The following AOX1 variants were observed in gnomAD, a reference collection of about 807,000 sequenced individuals.
AOX1 encodes the protein aldehyde oxidase.
A neutral mutation model predicts 169.5 loss-of-function variants in AOX1; 153 were observed. The ratio of observed to expected loss-of-function variants is 0.90; its 90% confidence interval spans 0.79 to 1.03. The LOEUF (loss-of-function observed/expected upper bound fraction) is 1.03. Ranked by LOEUF, AOX1 falls within the 50% of genes least tolerant of loss-of-function variation. The pLI, the probability that AOX1 is intolerant of heterozygous loss-of-function variation, is 0.00. For missense variants in AOX1, 1,656 were observed against 1,663.9 expected (o/e 1.00, Z 0.08); for synonymous variants, 562 against 581.9 (o/e 0.97, Z 0.49).
At chr2:200,632,049 G>C (rs1240533416) in intron 20 of AOX1, among the ~76,000 whole-genome samples, 1 of 151,912 alleles carries the variant, frequency 6.6e-6, no homozygotes, top group Non-Finnish European at 1.5e-5. Context: ...TGCAAATTGA[G>C]GGAATCCTCA....
intron 25 of AOX1, among the ~76,000 whole-genome samples, chr2:200,648,717 G>A (rs188334303): frequency 2.7e-4 from 41 of 152,270 alleles, no homozygotes; most frequent in Non-Finnish European, 4.3e-4. Context: ...GTGGGGGCAG[G>A]GCTAGGCATG....
Position 200,621,118 on chromosome 2 carries a change from AG to A in AOX1, c.1875del. On this transcript the variant is annotated splice_acceptor_variant, in intron 17 of 34. Transcript: ENST00000374700. LOFTEE classifies it high-confidence loss of function. The stretch of plus-strand genomic sequence containing the variant: ...AGGAGCTCTGCTGTGTATATCATCT[AG>A]GTCTATTGATCTGTCAGAAGCTCTC... 6.2e-7 allele frequency: 1 copy of A among 1,612,082 alleles called. No homozygotes were observed. The highest frequency in any genetic ancestry group is 8.5e-7 in the Non-Finnish European group (1 of 1,179,566).
chr2:200,589,061 A>G (rs922956688), intron 1 of AOX1, among the ~76,000 whole-genome samples: 2 of 152,142 alleles, frequency 1.3e-5, no homozygotes, highest in African/African-American at 4.8e-5. Context: ...TCTGGAATTA[A>G]AAACTCACCT....
chr2:200,661,491 A>T, intron 29 of AOX1, 88 bp from the exon 30 acceptor site: 1 of 1,040,954 alleles, frequency 9.6e-7, no homozygotes, highest in Non-Finnish European at 1.5e-6. Flanking sequence ...AGTTTTATTT[A>T]ACACACAGGG....
At chr2:200,630,210 TAAAAAAAAAAAAAAA>T (rs57410809) in intron 20 of AOX1, among the ~76,000 whole-genome samples, 6 of 95,566 alleles carry the variant, frequency 6.3e-5, no homozygotes, top group Admixed American at 1.1e-4. Context: ...TCCTTCTATT[TAAAAAAAAAAAAAAA>T]AAAAAAAAAA....
chr2:200,630,183 G>T (rs1401494833), intron 20 of AOX1, among the ~76,000 whole-genome samples: 13 of 137,430 alleles, frequency 9.5e-5, no homozygotes, highest in African/African-American at 3.1e-4. Context: ...AGACCAGCCC[G>T]GTCAATGTAG....
At chr2:200,628,451 A>C (rs2035049780) in intron 20 of AOX1, among the ~76,000 whole-genome samples, 1 of 152,038 alleles carries the variant, frequency 6.6e-6, no homozygotes, top group African/African-American at 2.4e-5. Flanking sequence ...TCCCCGCCAC[A>C]CTCTGCTGTC....
intron 26 of AOX1, among the ~76,000 whole-genome samples, chr2:200,655,962 T>G (rs1008773176): frequency 2.0e-5 from 3 of 152,242 alleles, no homozygotes; most frequent in Non-Finnish European, 4.4e-5. Context: ...TAAGTTGACA[T>G]TGGCTTATTA....
Position 200,638,280 on chromosome 2 carries a change from A to G in AOX1, c.2546A>G (p.His849Arg). ...GEDMLITGGRHPYLGKYKAGF... is the reference protein window; with the variant it reads ...GEDMLITGGRRPYLGKYKAGF... ...GACATGTTAATAACTGGAGGCCGCCATCCTTACCTTGGAAAGTACAAAGTG... is the reference window on the plus strand; with the variant it reads ...GACATGTTAATAACTGGAGGCCGCCGTCCTTACCTTGGAAAGTACAAAGTG... Residue 849 changes from histidine to arginine, a missense_variant, in exon 23 of 35, where the codon CAT (histidine) becomes CGT (arginine). Coordinates refer to ENST00000374700, the MANE Select transcript of AOX1 (RefSeq NM_001159.4). 1 of 1,613,768 alleles carries G rather than the reference A, an allele frequency of 6.2e-7. No homozygotes were observed. Among genetic ancestry groups the G allele is most frequent in the Non-Finnish European group, 8.5e-7 (1 of 1,179,704 alleles).
downstream of AOX1, among the ~76,000 whole-genome samples, chr2:200,680,777 C>T (rs2036145894): frequency 6.6e-6 from 1 of 151,900 alleles, no homozygotes; most frequent in South Asian, 2.1e-4. Context: ...AACTCCTGAC[C>T]TCAGGTGATC....
At chr2:200,631,415 C>T (rs553933474) in intron 20 of AOX1, among the ~76,000 whole-genome samples, 1 of 152,280 alleles carries the variant, frequency 6.6e-6, no homozygotes, top group African/African-American at 2.4e-5. Context: ...CCCAGGGAGC[C>T]CTGAAACTGA....
At position 200,634,556 on chromosome 2, in the gene AOX1, A is replaced by C. The variant is rs544792958; in HGVS notation, c.2222-235A>C. ...TCTGCTTTTGGCTCTAGAAAGTCAT[A>C]CACCTTTCTCTAGGACTCTGTGACC... On this transcript the variant is annotated intron_variant, in intron 20 of 34. Coordinates refer to ENST00000374700, the MANE Select transcript of AOX1 (RefSeq NM_001159.4). 1.1e-4 allele frequency among the ~76,000 whole-genome samples: 16 copies of C among 152,286 alleles called. No individual in the cohort carries two copies. The South Asian group carries it at 3.3e-3, about 32-fold the overall frequency.
intron 2 of AOX1, among the ~76,000 whole-genome samples, chr2:200,594,398 A>G (rs1044702711): frequency 2.0e-5 from 3 of 152,174 alleles, no homozygotes; most frequent in Non-Finnish European, 2.9e-5. Flanking sequence ...TCTGTGAGGC[A>G]TGTTTGCATG....
chr2:200,668,876 C>G (rs2035974481), intron 33 of AOX1, 73 bp downstream of exon 33: 2 of 1,301,186 alleles, frequency 1.5e-6, no homozygotes, highest in South Asian at 1.4e-5. Context: ...CTACATTCCT[C>G]TCTTGGCTGT....
intron 5 of AOX1, among the ~76,000 whole-genome samples, chr2:200,600,482 G>A (rs947133112): frequency 2.6e-5 from 4 of 151,766 alleles, no homozygotes; most frequent in African/African-American, 4.8e-5. Flanking sequence ...TGGCGGGGGG[G>A]GACATCCTCA....
rs145184679 is a variant in AOX1 at position 200,634,886 on chromosome 2, G to A, written c.2317G>A (p.Val773Met). 30 of 1,613,946 alleles carry A rather than the reference G, an allele frequency of 1.9e-5. No homozygotes were observed. Among genetic ancestry groups the A allele is most frequent in the Middle Eastern group, 1.6e-4 (1 of 6,080 alleles). Residue 773 changes from valine (V) to methionine (M), a missense_variant, in exon 21 of 35, where the codon GTG becomes ATG. Transcript: ENST00000374700. ...KGEDQEMDVY[V>M]STQFPKYIQD... The stretch of plus-strand genomic sequence containing the variant: ...AGAGGATCAAGAAATGGATGTCTAC[G>A]TGTCCACACAGTTTCCCAAATATAT...
downstream of AOX1, among the ~76,000 whole-genome samples, chr2:200,677,509 G>A (rs111828303): frequency 6.6e-6 from 1 of 152,042 alleles, no homozygotes; most frequent in African/African-American, 2.4e-5. Flanking sequence ...AAACACATAC[G>A]AATTAAGGGT....
At chr2:200,592,455 A>G (rs370240368) in intron 1 of AOX1, among the ~76,000 whole-genome samples, 88 of 152,340 alleles carry the variant, frequency 5.8e-4, no homozygotes, top group African/African-American at 2.0e-3. Flanking sequence ...ATTTTTGTGA[A>G]AAAAGAGAAA....
chr2:200,673,789 G>A (rs976810260), downstream of AOX1, among the ~76,000 whole-genome samples: 1 of 152,200 alleles, frequency 6.6e-6, no homozygotes, highest in African/African-American at 2.4e-5. Flanking sequence ...GCCCCAGCCT[G>A]TCTCTCCAGC....
Sources: gnomAD v4.1 joint callset for allele counts (sites outside exome capture counted in the v4.1 genomes callset) on GRCh38, gnomAD v4.1.1 for gene constraint, MANE v1.5 for transcripts, NCBI Gene and HGNC (gene_info 2026-07-23, HGNC 2026-07-21) for gene names.